The following MORN5 variants were observed in gnomAD, a reference collection of about 807,000 sequenced individuals.
The protein encoded by MORN5 is MORN repeat-containing protein 5.
Under a neutral mutation model 22.1 loss-of-function variants are expected in MORN5, and 21 were observed. The ratio of observed to expected loss-of-function variants is 0.95; its 90% CI spans 0.67 to 1.37. MORN5 has a LOEUF of 1.37. Among genes scored for constraint, MORN5 ranks in the 40% most tolerant of loss-of-function variants. The pLI is 0.00. For missense variants in MORN5, 211 were observed against 215.1 expected (o/e 0.98, Z 0.12); for synonymous variants, 73 against 74.0 (o/e 0.99, Z 0.07).
intron 2 of MORN5, among the ~76,000 whole-genome samples, chr9:122,169,122 G>A (rs1203021389): frequency 6.6e-6 from 1 of 152,190 alleles, no homozygotes; most frequent in Non-Finnish European, 1.5e-5. Context: ...CGGATTGTAT[G>A]GTGCCCACCC....
chr9:122,169,790 A>G (rs199752524), intron 3 of MORN5, 34 bp downstream of exon 3: 1 of 1,356,236 alleles, frequency 7.4e-7, no homozygotes, highest in East Asian at 2.3e-5. Flanking sequence ...TTCATACCCA[A>G]ACTGAGAGGG....
At chr9:122,192,391 G>C (rs143955044) in intron 4 of MORN5, among the ~76,000 whole-genome samples, 1 of 152,188 alleles carries the variant, frequency 6.6e-6, no homozygotes, top group Non-Finnish European at 1.5e-5. Context: ...GAGGCCACTC[G>C]CTCAAGGTCT....
chr9:122,180,957 A>C (rs891739737), intron 4 of MORN5, among the ~76,000 whole-genome samples: 2 of 152,244 alleles, frequency 1.3e-5, no homozygotes, highest in African/African-American at 4.8e-5. Flanking sequence ...AAGACAAAGC[A>C]TGCAGGCAGG....
chr9:122,166,773 A>G lies in MORN5; in HGVS notation c.53A>G (p.Glu18Gly). The G allele has an allele frequency of 1.9e-6, 3 of 1,613,198 alleles. No homozygotes were observed. Among genetic ancestry groups the G allele is most frequent in the Non-Finnish European group, 2.5e-6 (3 of 1,179,564 alleles). Residue 18 changes from glutamate to glycine, a missense_variant, in exon 2 of 5, where the codon GAG (glutamate) becomes GGG (glycine). By Grantham distance (98) the Glu-to-Gly change is moderately conservative (BLOSUM62 -2). Coordinates refer to ENST00000373764, the MANE Select transcript of MORN5 (RefSeq NM_198469.4). The part of the protein sequence containing the change: ...YIGEYVDGRM[E>G]GKAKYILPTE... Reference sequence around the variant, plus strand: ...ATTTCCCTGTGTCTTTACAGGATGGAGGGCAAAGCCAAGTACATCCTCCCT... The same window carrying G: ...ATTTCCCTGTGTCTTTACAGGATGGGGGGCAAAGCCAAGTACATCCTCCCT...
intron 1 of MORN5, among the ~76,000 whole-genome samples, chr9:122,161,728 A>G (rs1829203067): frequency 2.6e-5 from 4 of 152,216 alleles, no homozygotes; most frequent in Non-Finnish European, 1.5e-5. Flanking sequence ...GATGGGCTGT[A>G]TATGGGTGAG....
chr9:122,160,868 G>A (rs1829187028), intron 1 of MORN5, among the ~76,000 whole-genome samples: 1 of 152,146 alleles, frequency 6.6e-6, no homozygotes, highest in South Asian at 2.1e-4. Flanking sequence ...CCTCTTGCAT[G>A]AGCCACCGTG....
chr9:122,195,452 T>G (rs997487294), intron 4 of MORN5, among the ~76,000 whole-genome samples: 1 of 152,242 alleles, frequency 6.6e-6, no homozygotes, highest in African/African-American at 2.4e-5. Context: ...GGGGGATAGC[T>G]GTTTCTTAGG....
At chr9:122,177,431 G>C (rs1305561520) in intron 4 of MORN5, among the ~76,000 whole-genome samples, 1 of 152,068 alleles carries the variant, frequency 6.6e-6, no homozygotes, top group Non-Finnish European at 1.5e-5. Flanking sequence ...AGAGTCAGTA[G>C]CTTCTTTTTT....
chr9:122,174,803 A>G lies in MORN5; in HGVS notation c.439+176A>G. ...GACTTCTCGTGGCTGGCAAATCTGT[A>G]CATAGTCCTAGAGTGAGGTAAAAGC... On this transcript the variant is annotated intron_variant, in intron 4 of 4. Coordinates refer to ENST00000373764, the MANE Select transcript of MORN5 (RefSeq NM_198469.4). 2.7e-6 allele frequency: 4 copies of G among 1,478,950 alleles called. No individual in the cohort carries two copies. The South Asian group carries it at 5.2e-5, about 19-fold the overall frequency. The allele number at this position is 1,478,950 out of a possible 1,614,324, so 91.6% of individuals were successfully genotyped here.
chr9:122,169,865 C>G, intron 3 of MORN5, 109 bp downstream of exon 3: 1 of 807,974 alleles, frequency 1.2e-6, no homozygotes, highest in Non-Finnish European at 2.1e-6. Flanking sequence ...GGAAGAGGAA[C>G]TGAGCAGGCG....
chr9:122,195,556 G>C (rs1382253592), intron 4 of MORN5, among the ~76,000 whole-genome samples: 1 of 152,164 alleles, frequency 6.6e-6, no homozygotes, highest in African/African-American at 2.4e-5. Context: ...TTTTTCTCAT[G>C]ATTAGATTGG....
intron 1 of MORN5, among the ~76,000 whole-genome samples, chr9:122,163,170 C>A (rs1045688633): frequency 6.6e-6 from 1 of 152,142 alleles, no homozygotes; most frequent in African/African-American, 2.4e-5. Context: ...CCAGAAGAGA[C>A]CTACAGACAC....
At chr9:122,163,876 T>A (rs907957060) in intron 1 of MORN5, among the ~76,000 whole-genome samples, 4 of 152,156 alleles carry the variant, frequency 2.6e-5, no homozygotes, top group Non-Finnish European at 2.9e-5. Flanking sequence ...AATGAATGAA[T>A]CATAGGTTTT....
chr9:122,189,026 C>T (rs1829701666), intron 4 of MORN5, among the ~76,000 whole-genome samples: 1 of 152,188 alleles, frequency 6.6e-6, no homozygotes, highest in South Asian at 2.1e-4. Flanking sequence ...GAAACCCCGT[C>T]TCTACTAAAA....
chr9:122,197,248 G>A lies in MORN5; in HGVS notation c.440-2637G>A, dbSNP rs1033202145. Among the ~76,000 whole-genome samples the A allele has an allele frequency of 8.9e-5, 13 of 146,236 alleles. No individual in the cohort carries two copies. The highest frequency in any genetic ancestry group is 2.0e-4 in the Admixed American group (3 of 14,938). ...TTTACAATTGATTAAAGAGTTTGTGGGGTGTTTTTCCCCCATCTTTTTTCT... is the reference window on the plus strand; with the variant it reads ...TTTACAATTGATTAAAGAGTTTGTGAGGTGTTTTTCCCCCATCTTTTTTCT... On this transcript the variant is annotated intron_variant, in intron 4 of 4. Transcript: ENST00000373764. The surrounding 1 kb of genome is among the most constrained non-coding windows in gnomAD (Gnocchi z 5.7).
chr9:122,183,926 T>A lies in MORN5; in HGVS notation c.439+9299T>A, dbSNP rs566177839. ...TGTGGGTTCCAGACAGAATTTAAAA[T>A]CAAAACCACAAGCCTCATTTGAATG... On this transcript the variant is annotated intron_variant, in intron 4 of 4. Coordinates refer to ENST00000373764, the MANE Select transcript of MORN5 (RefSeq NM_198469.4). 2.6e-5 allele frequency among the ~76,000 whole-genome samples: 4 copies of A among 152,222 alleles called. No individual in the cohort carries two copies. In the East Asian group the frequency reaches 7.7e-4, roughly 29 times the overall value.
Position 122,174,527 on chromosome 9 carries a change from T to C in MORN5, c.339T>C (p.Pro113=). 1 of 1,614,096 alleles carries C rather than the reference T, an allele frequency of 6.2e-7. No homozygotes were observed. The highest frequency in any genetic ancestry group is 8.5e-7 in the Non-Finnish European group (1 of 1,179,986). ...GMAQLTNMDP[P]RKIPKGYYDC... Reference sequence around the variant, plus strand: ...CTCAACTCACCAATATGGACCCACCTAGAAAAATCCCCAAGGGCTATTACG... The same window carrying C: ...CTCAACTCACCAATATGGACCCACCCAGAAAAATCCCCAAGGGCTATTACG... Residue 113 remains proline, a synonymous_variant, in exon 4 of 5, where the codon CCT becomes CCC. Coordinates refer to ENST00000373764, the MANE Select transcript of MORN5 (RefSeq NM_198469.4).
intron 4 of MORN5, among the ~76,000 whole-genome samples, chr9:122,194,444 T>C (rs1034878223): frequency 1.3e-5 from 2 of 151,772 alleles, no homozygotes; most frequent in Non-Finnish European, 2.9e-5. Context: ...ATGGAGAAAA[T>C]AAAATGAAGA....
At chr9:122,171,680 T>C (rs1462070739) in intron 3 of MORN5, among the ~76,000 whole-genome samples, 2 of 152,204 alleles carry the variant, frequency 1.3e-5, no homozygotes, top group African/African-American at 2.4e-5. Context: ...CTGAATGTCA[T>C]GCCCATCCAC....
Sources: allele counts gnomAD v4.1 joint callset (sites outside exome capture counted in the v4.1 genomes callset), GRCh38; gene constraint gnomAD v4.1.1; non-coding constraint Gnocchi (gnomAD v3.1); transcripts MANE v1.5; gene names NCBI Gene and HGNC (gene_info 2026-07-23, HGNC 2026-07-21).